Variants in BCKDHB observed in about 807,000 individuals in gnomAD.
The protein encoded by BCKDHB is branched chain keto acid dehydrogenase E1 subunit beta.
In BCKDHB, 41 loss-of-function variants were observed where a neutral mutation model predicts 48.5. The observed-to-expected ratio is 0.85, with a 90% CI of 0.66 to 1.10. BCKDHB has a LOEUF of 1.10. Among genes scored for constraint, BCKDHB ranks in the 50% least tolerant of loss-of-function variants. BCKDHB has a pLI of 0.00. For missense variants in BCKDHB, 496 were observed against 494.2 expected (o/e 1.00, Z -0.03); for synonymous variants, 201 against 174.8 (o/e 1.15, Z -1.18).
intron 3 of BCKDHB, among the ~76,000 whole-genome samples, chr6:80,136,625 T>C (rs2490241): frequency 0.62 from 93,757 of 151,864 alleles, 29,178 homozygotes; most frequent in South Asian, 0.77. Context: ...AAATTAAAAA[T>C]ATGTACTTTG....
At chr6:80,402,511 CTCA>C in the BCKDHB span, among the ~76,000 whole-genome samples, 10 of 151,764 alleles carry the variant, frequency 6.6e-5, no homozygotes, top group Admixed American at 5.3e-4. Flanking sequence ...TTAATATTAA[CTCA>C]TCATCAGATG....
At chr6:80,110,193 G>A (rs1276682542) in intron 1 of BCKDHB, among the ~76,000 whole-genome samples, 1 of 152,124 alleles carries the variant, frequency 6.6e-6, no homozygotes, top group Non-Finnish European at 1.5e-5. Flanking sequence ...AGTTCATCCT[G>A]GCTTCTCCAT....
the BCKDHB span, among the ~76,000 whole-genome samples, chr6:80,395,140 G>T: frequency 6.6e-6 from 1 of 152,142 alleles, no homozygotes; most frequent in African/African-American, 2.4e-5. Flanking sequence ...CAGTAAATTG[G>T]CACCAGGTGT....
chr6:80,208,507 A>G (rs1477167446), intron 8 of BCKDHB, among the ~76,000 whole-genome samples: 1 of 151,848 alleles, frequency 6.6e-6, no homozygotes, highest in Admixed American at 6.6e-5. Flanking sequence ...GAGAAATTTA[A>G]TAAAGTAAAA....
intron 8 of BCKDHB, among the ~76,000 whole-genome samples, chr6:80,260,945 C>T (rs944948500): frequency 1.3e-4 from 20 of 152,078 alleles, no homozygotes; most frequent in African/African-American, 4.8e-4. Context: ...AGAATCTGGC[C>T]TGGGGAGACA....
At chr6:80,113,015 C>T (rs1185407822) in intron 1 of BCKDHB, among the ~76,000 whole-genome samples, 1 of 152,156 alleles carries the variant, frequency 6.6e-6, no homozygotes, top group African/African-American at 2.4e-5. Flanking sequence ...TTCTTTTGTC[C>T]TTAGCAAGTC....
chr6:80,354,014 T>A, the BCKDHB span, among the ~76,000 whole-genome samples: 3 of 152,184 alleles, frequency 2.0e-5, no homozygotes, highest in Non-Finnish European at 4.4e-5. Context: ...TTCATATTTT[T>A]TGCCCATTTT....
the BCKDHB span, chr6:80,374,374 C>T: frequency 2.2e-4 from 178 of 821,140 alleles, 1 homozygote; most frequent in South Asian, 2.3e-3. Context: ...CTGCCAACTC[C>T]ACCATTGTAA....
intron 8 of BCKDHB, among the ~76,000 whole-genome samples, chr6:80,232,248 A>T (rs898049667): frequency 6.6e-6 from 1 of 151,200 alleles, no homozygotes. Context: ...CTGGCTGTTT[A>T]GTCTAATGCA....
chr6:80,213,145 T>G (rs535293232), intron 8 of BCKDHB, among the ~76,000 whole-genome samples: 1 of 152,302 alleles, frequency 6.6e-6, no homozygotes, highest in East Asian at 1.9e-4. Context: ...ATTTGGTGCT[T>G]CTTCTTGGTG....
At chr6:80,158,652 T>A (rs1772170137) in intron 3 of BCKDHB, among the ~76,000 whole-genome samples, 3 of 152,148 alleles carry the variant, frequency 2.0e-5, no homozygotes. Context: ...GCCAACTAGT[T>A]GTCCCTAGTT....
the BCKDHB span, among the ~76,000 whole-genome samples, chr6:80,409,575 CATATATATATAT>C: frequency 0.011 from 541 of 50,024 alleles, 4 homozygotes; most frequent in Non-Finnish European, 0.018. Context: ...GTATTGGTTG[CATATATATATAT>C]ATATATATAT....
intron 9 of BCKDHB, among the ~76,000 whole-genome samples, chr6:80,274,110 A>G (rs995525602): frequency 1.3e-5 from 2 of 152,020 alleles, no homozygotes; most frequent in African/African-American, 2.4e-5. Flanking sequence ...ATTATGATAT[A>G]TGGATAATGG....
chr6:80,440,587 T>G, the BCKDHB span: 3 of 152,078 alleles, frequency 2.0e-5, no homozygotes, highest in Non-Finnish European at 4.4e-5. Context: ...TAACTAAAGA[T>G]GTAATTTACT....
intron 6 of BCKDHB, among the ~76,000 whole-genome samples, chr6:80,196,104 T>G (rs1168194878): frequency 2.0e-5 from 3 of 152,164 alleles, no homozygotes; most frequent in African/African-American, 7.2e-5. Context: ...AAACTTGTGT[T>G]GTTAAGAGTG....
chr6:80,451,945 C>T, the BCKDHB span, among the ~76,000 whole-genome samples: 1 of 152,112 alleles, frequency 6.6e-6, no homozygotes, highest in African/African-American at 2.4e-5. Context: ...TCTGTGATGT[C>T]AAATAATCCC....
At chr6:80,190,308 C>T (rs1180812263) in intron 6 of BCKDHB, among the ~76,000 whole-genome samples, 1 of 152,108 alleles carries the variant, frequency 6.6e-6, no homozygotes, top group Non-Finnish European at 1.5e-5. Flanking sequence ...ATAACACCTC[C>T]CTTTTTAAAA....
At chr6:80,145,338 C>G (rs1358811813) in intron 3 of BCKDHB, among the ~76,000 whole-genome samples, 1 of 152,138 alleles carries the variant, frequency 6.6e-6, no homozygotes, top group South Asian at 2.1e-4. Flanking sequence ...GTTGATGGTG[C>G]AGTAACAACA....
the BCKDHB span, among the ~76,000 whole-genome samples, chr6:80,406,937 A>G: frequency 2.0e-5 from 3 of 152,196 alleles, no homozygotes; most frequent in South Asian, 2.1e-4. Context: ...GCCCATGCCT[A>G]TGTCCTGAAT....
Sources: allele counts gnomAD v4.1 joint callset (sites outside exome capture counted in the v4.1 genomes callset), GRCh38; gene constraint gnomAD v4.1.1; transcripts MANE v1.5; gene names NCBI Gene and HGNC (gene_info 2026-07-23, HGNC 2026-07-21).